The following DHX34 variants were observed in gnomAD, a reference collection of about 807,000 sequenced individuals.
The protein encoded by DHX34 is DExH-box helicase 34, also known as probable ATP-dependent RNA helicase DHX34.
In DHX34, 96 loss-of-function variants were observed where a neutral mutation model predicts 111.1. That is an observed-to-expected ratio of 0.86 (90% confidence interval 0.73 to 1.02). The LOEUF (loss-of-function observed/expected upper bound fraction) is 1.02. Ranked by LOEUF, DHX34 falls within the 50% of genes least tolerant of loss-of-function variation. DHX34 has a pLI of 0.00. For missense variants in DHX34, 1,560 were observed against 1,579.9 expected (o/e 0.99, Z 0.21); for synonymous variants, 688 against 670.4 (o/e 1.03, Z -0.41).
intron 6 of DHX34, among the ~76,000 whole-genome samples, chr19:47,363,274 A>G (rs1472972785): frequency 2.6e-5 from 4 of 151,924 alleles, no homozygotes; most frequent in South Asian, 4.2e-4. Context: ...TATTTTTAGT[A>G]GAGATCAGGT....
At chr19:47,380,704 G>A in intron 14 of DHX34, 112 bp from the exon 15 acceptor site, 1 of 1,516,384 alleles carries the variant, frequency 6.6e-7, no homozygotes, top group Non-Finnish European at 8.8e-7. Context: ...TAAGCACTTG[G>A]CTCCCGTAAC....
At chr19:47,351,860 C>G (rs1383918211) in intron 1 of DHX34, among the ~76,000 whole-genome samples, 1 of 152,102 alleles carries the variant, frequency 6.6e-6, no homozygotes, top group Non-Finnish European at 1.5e-5. Context: ...CCCTCAGAAC[C>G]ATGTAGAATC....
At position 47,367,085 on chromosome 19, in the gene DHX34, C is replaced by T. The variant is rs373860563; in HGVS notation, c.1698C>T (p.Ala566=). The stretch of plus-strand genomic sequence containing the variant: ...TCCTCTACCTCCGGGACCAGGGGGC[C>T]CTGGACAGCTCAGAGGCCCTCACAC... ...TAILYLRDQG[A]LDSSEALTPI... is the part of the protein sequence containing the mutation. Residue 566 remains alanine, a synonymous_variant, in exon 7 of 17, where the codon GCC becomes GCT. Transcript: ENST00000328771. 26 of 1,606,760 alleles carry T rather than the reference C, an allele frequency of 1.6e-5. No homozygotes were observed. In the South Asian group the frequency reaches 1.8e-4, roughly 11 times the overall value.
In DHX34 at chr19:47,375,509, C is replaced by T. The variant is rs200521110; in HGVS notation, c.2108C>T (p.Ala703Val). Residue 703 changes from alanine (A) to valine (V), a missense_variant, in exon 10 of 17, where the codon GCG becomes GTG. By Grantham distance (64) the Ala-to-Val change is moderately conservative. Transcript: ENST00000328771. Reference protein sequence around the residue: ...DHGLLAGAQAAQVGDSYSRLQ... With the variant: ...DHGLLAGAQAVQVGDSYSRLQ... ...GGGCTGCTGGCTGGGGCCCAGGCCGCGCAGGTAGGGGACAGCTACAGTCGG... is the reference window on the plus strand; with the variant it reads ...GGGCTGCTGGCTGGGGCCCAGGCCGTGCAGGTAGGGGACAGCTACAGTCGG... 21 of 1,572,958 alleles carry T rather than the reference C, an allele frequency of 1.3e-5. No homozygotes were observed. The highest frequency in any genetic ancestry group is 1.7e-4 in the Middle Eastern group (1 of 6,016).
chr19:47,382,173 G>T lies in DHX34; in HGVS notation c.*60G>T. 6.3e-7 allele frequency: 1 copy of T among 1,592,424 alleles called. No homozygotes were observed. Among genetic ancestry groups the T allele is most frequent in the Non-Finnish European group, 8.6e-7 (1 of 1,169,360 alleles). On this transcript the variant is annotated 3_prime_UTR_variant, in exon 17 of 17. Transcript: ENST00000328771. ...TGACCTGCCCTCCAGCCCAGGACTA[G>T]GGGCAGGACTCTTGCCTGAACCCCC...
intron 14 of DHX34, among the ~76,000 whole-genome samples, chr19:47,380,470 A>G (rs937157365): frequency 4.6e-5 from 7 of 151,930 alleles, no homozygotes; most frequent in African/African-American, 1.7e-4. Flanking sequence ...ACAAAGGAGC[A>G]GGAACCCAGT....
chr19:47,379,296 C>G (rs941517312), intron 13 of DHX34, among the ~76,000 whole-genome samples: 5 of 152,178 alleles, frequency 3.3e-5, no homozygotes, highest in Admixed American at 2.0e-4. Flanking sequence ...GGCCCCAGCC[C>G]TGAGGATTTT....
At position 47,375,484 on chromosome 19, in the gene DHX34, G is replaced by A. The variant is rs868728144; in HGVS notation, c.2083G>A (p.Gly695Arg). The A allele has an allele frequency of 2.2e-5, 35 of 1,581,188 alleles. No individual in the cohort carries two copies. In the East Asian group the frequency reaches 4.8e-4, roughly 22 times the overall value. Reference sequence around the variant, plus strand: ...CCCCTAGGAGCTGTTGGAGGACCACGGGCTGCTGGCTGGGGCCCAGGCCGC... The same window carrying A: ...CCCCTAGGAGCTGTTGGAGGACCACAGGCTGCTGGCTGGGGCCCAGGCCGC... Reference protein sequence around the residue: ...RQFKELLEDHGLLAGAQAAQV... With the variant: ...RQFKELLEDHRLLAGAQAAQV... Residue 695 changes from glycine (G) to arginine (R), a missense_variant, in exon 10 of 17, where the codon GGG becomes AGG. Transcript: ENST00000328771.
chr19:47,369,875 G>A (rs999574793), intron 7 of DHX34, among the ~76,000 whole-genome samples: 1 of 152,096 alleles, frequency 6.6e-6, no homozygotes, highest in African/African-American at 2.4e-5. Flanking sequence ...TGGAAAGGGC[G>A]GGTCCACAGA....
chr19:47,360,594 A>G (rs1969599842), intron 5 of DHX34, among the ~76,000 whole-genome samples: 1 of 152,048 alleles, frequency 6.6e-6, no homozygotes, highest in South Asian at 2.1e-4. Flanking sequence ...AGAGGCCCAT[A>G]CTGTCCACTC....
intron 1 of DHX34, among the ~76,000 whole-genome samples, chr19:47,349,856 G>T (rs1450693190): frequency 6.6e-6 from 1 of 152,184 alleles, no homozygotes; most frequent in African/African-American, 2.4e-5. Flanking sequence ...GATGGAGACA[G>T]TTGAAATAGG....
intron 16 of DHX34, chr19:47,381,623 G>A (rs1416451246): frequency 1.7e-6 from 1 of 584,890 alleles, no homozygotes; most frequent in African/African-American, 1.9e-5. Context: ...CTGTCCTGCA[G>A]CTATCTCTGC....
rs1363443154 is a variant in DHX34 at position 47,375,537 on chromosome 19, GCAGCAGCGC to G, written c.2138_2146del (p.Gln713_Arg715del). 1 of 1,559,236 alleles carries G rather than the reference GCAGCAGCGC, an allele frequency of 6.4e-7. No individual in the cohort carries two copies. Among genetic ancestry groups the G allele is most frequent in the South Asian group, 1.2e-5 (1 of 85,928 alleles). On this transcript the variant is annotated inframe_deletion, in exon 10 of 17. Coordinates refer to ENST00000328771, the MANE Select transcript of DHX34 (RefSeq NM_014681.6). ...AGGTAGGGGACAGCTACAGTCGGTT[GCAGCAGCGC>G]CGGGAGCGCCGGGCCCTGCACCAGC... is the stretch of plus-strand genomic sequence containing the variant.
In DHX34 at chr19:47,353,344, G is replaced by C; in HGVS notation, c.314G>C (p.Arg105Pro). 6.2e-7 allele frequency: 1 copy of C among 1,614,114 alleles called. No individual in the cohort carries two copies. The highest frequency in any genetic ancestry group is 8.5e-7 in the Non-Finnish European group (1 of 1,180,014). Residue 105 changes from arginine to proline, a missense_variant, in exon 2 of 17, where the codon CGC becomes CCC. Transcript: ENST00000328771. The surrounding 1 kb of genome is among the most constrained non-coding windows in gnomAD (Gnocchi z 4.6). ...DLPRTYDPRY[R>P]INLSVLGPAT... is the part of the protein sequence containing the mutation. ...CCTCGCACTTACGACCCACGTTACC[G>C]CATCAACCTCTCTGTTCTTGGCCCT...
chr19:47,368,744 C>T (rs1568401522), intron 7 of DHX34, among the ~76,000 whole-genome samples: 2 of 150,444 alleles, frequency 1.3e-5, no homozygotes, highest in Admixed American at 6.6e-5. Flanking sequence ...GATGGAGTCT[C>T]GCTCTGTTGC....
At chr19:47,351,165 CTTTTTCTTTTT>C (rs575312156) in intron 1 of DHX34, among the ~76,000 whole-genome samples, 2,171 of 126,626 alleles carry the variant, frequency 0.017, 16 homozygotes, top group African/African-American at 0.059. Context: ...CTCTCATTTT[CTTTTTCTTTTT>C]TTTTTTTTTT....
chr19:47,361,278 T>A (rs1431768224), intron 5 of DHX34, among the ~76,000 whole-genome samples: 1 of 151,312 alleles, frequency 6.6e-6, no homozygotes, highest in Non-Finnish European at 1.5e-5. Flanking sequence ...GACAACATGG[T>A]GAAACTCCGC....
At chr19:47,378,237 C>CA (rs1244962654) in intron 13 of DHX34, among the ~76,000 whole-genome samples, 1 of 152,174 alleles carries the variant, frequency 6.6e-6, no homozygotes, top group African/African-American at 2.4e-5. Flanking sequence ...CAGCTCAGCT[C>CA]AGTCACTTCT....
chr19:47,362,626 A>C lies in DHX34; in HGVS notation c.1526A>C (p.Tyr509Ser), dbSNP rs371639888. 2.3e-5 allele frequency: 37 copies of C among 1,613,876 alleles called. No individual in the cohort carries two copies. The highest frequency in any genetic ancestry group is 3.1e-5 in the Non-Finnish European group (37 of 1,179,986). ...VCFRLYAESD[Y>S]DAFAPYPVPE... ...TTCCGCCTCTATGCCGAATCGGACT[A>C]TGATGCCTTCGCCCCCTACCCCGTC... Residue 509 changes from tyrosine (Y) to serine (S), a missense_variant, in exon 6 of 17, where the codon TAT (tyrosine) becomes TCT (serine). Transcript: ENST00000328771.
Sources: allele counts gnomAD v4.1 joint callset (sites outside exome capture counted in the v4.1 genomes callset), GRCh38; gene constraint gnomAD v4.1.1; non-coding constraint Gnocchi (gnomAD v3.1); transcripts MANE v1.5; gene names NCBI Gene and HGNC (gene_info 2026-07-23, HGNC 2026-07-21).